NT5DC1: variants seen among roughly 807,000 people sequenced by gnomAD.
NT5DC1 encodes 5'-nucleotidase domain containing 1, also known as 5'-nucleotidase domain-containing protein 1.
A neutral mutation model predicts 59.4 loss-of-function variants in NT5DC1; 42 were observed. The observed-to-expected ratio is 0.71, with a 90% CI of 0.55 to 0.92. NT5DC1 has a LOEUF of 0.92. NT5DC1 is among the 40% of genes least tolerant of loss of function. The pLI is 0.00. For synonymous variants in NT5DC1, 172 were observed against 188.1 expected (o/e 0.91, Z 0.70); for missense variants, 501 against 537.1 (o/e 0.93, Z 0.66).
chr6:116,227,940 G>A (rs1260756481), intron 8 of NT5DC1, among the ~76,000 whole-genome samples: 1 of 151,952 alleles, frequency 6.6e-6, no homozygotes, highest in East Asian at 1.9e-4. Flanking sequence ...TTTCTTTGTG[G>A]TTGCGTAGCT....
At chr6:116,126,777 CATATT>C (rs944126403) in intron 6 of NT5DC1, among the ~76,000 whole-genome samples, 1 of 152,044 alleles carries the variant, frequency 6.6e-6, no homozygotes, top group Non-Finnish European at 1.5e-5. Flanking sequence ...TTGATAATCT[CATATT>C]ATGTTAATTT....
In NT5DC1 at chr6:116,114,431, G is replaced by A. The variant is rs77222325; in HGVS notation, c.365-1260G>A. ...TTACTCATTCATTCATTCAGCAAAC[G>A]TCTATTGAGTGCTTAGAATATGCTG... On this transcript the variant is annotated intron_variant, in intron 4 of 11. Coordinates refer to ENST00000319550, the MANE Select transcript of NT5DC1 (RefSeq NM_152729.3). Among the ~76,000 whole-genome samples the A allele has an allele frequency of 5.4e-3, 779 of 145,414 alleles. 7 individuals are homozygous for A. Among genetic ancestry groups the A allele is most frequent in the African/African-American group, 0.018 (717 of 39,778 alleles).
intron 4 of NT5DC1, among the ~76,000 whole-genome samples, chr6:116,115,307 T>G (rs1222228980): frequency 2.6e-5 from 4 of 152,230 alleles, no homozygotes; most frequent in Non-Finnish European, 5.9e-5. Flanking sequence ...CACTATTGTA[T>G]AGAGCGCTTC....
At chr6:116,215,625 C>G (rs778340734) in intron 6 of NT5DC1, among the ~76,000 whole-genome samples, 3 of 152,112 alleles carry the variant, frequency 2.0e-5, no homozygotes, top group Non-Finnish European at 1.5e-5. Flanking sequence ...CTTCAAAAAC[C>G]TCTCTCCACA....
intron 6 of NT5DC1, chr6:116,119,893 C>T (rs912753001): frequency 4.3e-5 from 27 of 626,334 alleles, no homozygotes; most frequent in Admixed American, 1.7e-4. Flanking sequence ...GCTTCACATA[C>T]GTTTTTACGT....
chr6:116,207,346 T>C (rs888977911), intron 6 of NT5DC1, among the ~76,000 whole-genome samples: 2 of 135,690 alleles, frequency 1.5e-5, no homozygotes, highest in African/African-American at 2.8e-5. Context: ...TATGGTGGAC[T>C]TAATGTATTC....
chr6:116,168,649 T>C (rs1780534042), intron 6 of NT5DC1, among the ~76,000 whole-genome samples: 1 of 152,170 alleles, frequency 6.6e-6, no homozygotes, highest in Non-Finnish European at 1.5e-5. Context: ...TGTTTTTATA[T>C]TATATTGTCT....
In NT5DC1 at chr6:116,246,556, A is replaced by G. The variant is rs1771853055; in HGVS notation, c.*2532A>G. ...TAATTATTTTATATAACAAATCAGC[A>G]TAAAATGGAAAATCAAACTGCCTCT... is the stretch of plus-strand genomic sequence containing the variant. On this transcript the variant is annotated 3_prime_UTR_variant, in exon 12 of 12. Coordinates refer to ENST00000319550, the MANE Select transcript of NT5DC1 (RefSeq NM_152729.3). The G allele has an allele frequency of 6.6e-6, 1 of 152,100 alleles. No homozygotes were observed. Among genetic ancestry groups the G allele is most frequent in the Admixed American group, 6.6e-5 (1 of 15,234 alleles). 9.4% of individuals were successfully genotyped at this position (152,100 alleles called of 1,614,324 possible).
At chr6:116,106,497 T>C (rs189865184) in intron 2 of NT5DC1, among the ~76,000 whole-genome samples, 162 bp downstream of exon 2, 372 of 152,322 alleles carry the variant, frequency 2.4e-3, no homozygotes, top group Non-Finnish European at 4.1e-3. Context: ...TTGTATTTAA[T>C]GAATTAAAGT....
At chr6:116,165,079 A>G (rs1052786708) in intron 6 of NT5DC1, among the ~76,000 whole-genome samples, 15 of 139,156 alleles carry the variant, frequency 1.1e-4, no homozygotes, top group African/African-American at 4.3e-4. Flanking sequence ...TCTAGGCGAC[A>G]GAGCGAGACT....
At chr6:116,117,839 T>A (rs1489360314) in intron 5 of NT5DC1, 22 bp from the exon 6 acceptor site, 1 of 1,364,770 alleles carries the variant, frequency 7.3e-7, no homozygotes, top group Non-Finnish European at 1.0e-6. Context: ...TGTGTTTGTT[T>A]CATTTGGAAT....
intron 6 of NT5DC1, among the ~76,000 whole-genome samples, chr6:116,144,647 C>T (rs917592098): frequency 2.0e-5 from 3 of 152,046 alleles, no homozygotes; most frequent in South Asian, 2.1e-4. Context: ...AGTTAGTAAA[C>T]GGACTCTTAG....
intron 6 of NT5DC1, among the ~76,000 whole-genome samples, chr6:116,167,092 C>T (rs1033669077): frequency 3.3e-5 from 5 of 151,978 alleles, no homozygotes; most frequent in South Asian, 2.1e-4. Context: ...ATGTGATATC[C>T]GTAGAATTAT....
At chr6:116,239,271 A>C in intron 11 of NT5DC1, 148 bp downstream of exon 11, 1 of 638,650 alleles carries the variant, frequency 1.6e-6, no homozygotes, top group South Asian at 2.0e-5. Flanking sequence ...CTAGGTAATT[A>C]GGACCAGCAC....
At chr6:116,209,958 G>A (rs1315109021) in intron 6 of NT5DC1, among the ~76,000 whole-genome samples, 1 of 151,958 alleles carries the variant, frequency 6.6e-6, no homozygotes, top group Admixed American at 6.6e-5. Context: ...CATAAATGAT[G>A]AGGTTTAGTG....
In NT5DC1 at chr6:116,125,463, T is replaced by C. The variant is rs757234908; in HGVS notation, c.529+7518T>C. On this transcript the variant is annotated intron_variant, in intron 6 of 11. Coordinates refer to ENST00000319550, the MANE Select transcript of NT5DC1 (RefSeq NM_152729.3). The stretch of plus-strand genomic sequence containing the variant: ...CTCCATGAACCAAGTTCAAGGATAC[T>C]AGCAGCAAAAAGGGTATTTGTGGCA... 7 of 1,613,880 alleles carry C rather than the reference T, an allele frequency of 4.3e-6. No homozygotes were observed. The South Asian group carries it at 7.7e-5, about 18-fold the overall frequency.
chr6:116,238,964 G>GC lies in NT5DC1; in HGVS notation c.1094dup (p.Pro367ThrfsTer7), dbSNP rs755220280. 6.3e-7 allele frequency: 1 copy of GC among 1,597,198 alleles called. No homozygotes were observed. Among genetic ancestry groups the GC allele is most frequent in the South Asian group, 1.1e-5 (1 of 90,246 alleles). On this transcript the variant is annotated frameshift_variant, in exon 11 of 12. Coordinates refer to ENST00000319550, the MANE Select transcript of NT5DC1 (RefSeq NM_152729.3). LOFTEE classifies it high-confidence loss of function. ...TGTTCTCTTGTTTCAGGGACCAAAA[G>GC]CAAAACCTTTAAATACTTCATCTAA...
chr6:116,113,603 C>A (rs910314267), intron 4 of NT5DC1, among the ~76,000 whole-genome samples: 5 of 152,162 alleles, frequency 3.3e-5, no homozygotes, highest in African/African-American at 4.8e-5. Flanking sequence ...GCTGAACAAG[C>A]CCTTGTGTCC....
intron 6 of NT5DC1, 26 bp from the exon 7 acceptor site, chr6:116,221,028 A>T: frequency 8.9e-7 from 1 of 1,121,570 alleles, no homozygotes; most frequent in Non-Finnish European, 1.3e-6. Flanking sequence ...AAAAAGAAAA[A>T]CCTCATTGAT....
Sources: allele counts gnomAD v4.1 joint callset (sites outside exome capture counted in the v4.1 genomes callset), GRCh38; gene constraint gnomAD v4.1.1; transcripts MANE v1.5; gene names NCBI Gene and HGNC (gene_info 2026-07-23, HGNC 2026-07-21).